PARD3: variants seen among roughly 807,000 people sequenced by gnomAD.
PARD3 encodes partitioning defective 3 homolog.
PARD3 carries 75 observed loss-of-function variants against 155.4 expected under a neutral mutation model. The observed-to-expected ratio is 0.48, with a 90% CI of 0.40 to 0.58. The LOEUF (loss-of-function observed/expected upper bound fraction) is 0.58. PARD3 is among the 20% of genes least tolerant of loss of function. The probability of loss-of-function intolerance (pLI) is 0.00; values close to 1 mark genes in which losing one functional copy is unlikely to be tolerated. For synonymous variants in PARD3, 576 were observed against 610.5 expected (o/e 0.94, Z 0.83); for missense variants, 1,642 against 1,721.7 (o/e 0.95, Z 0.82).
intron 2 of PARD3, among the ~76,000 whole-genome samples, chr10:34,634,097 T>C (rs544391773): frequency 1.3e-5 from 2 of 152,196 alleles, no homozygotes; most frequent in South Asian, 2.1e-4. Flanking sequence ...TAGATGACAC[T>C]AGAAGATGAA....
chr10:34,689,296 C>A (rs577446236), intron 2 of PARD3, among the ~76,000 whole-genome samples: 1 of 152,190 alleles, frequency 6.6e-6, no homozygotes, highest in East Asian at 1.9e-4. Flanking sequence ...CTGCATCACA[C>A]GATCCCTCAG....
intron 22 of PARD3, among the ~76,000 whole-genome samples, chr10:34,143,175 C>T (rs1029563981): frequency 1.1e-3 from 166 of 152,204 alleles, no homozygotes; most frequent in Non-Finnish European, 2.1e-4. Flanking sequence ...TACAAATTAG[C>T]TGGGTGTGGT....
intron 19 of PARD3, among the ~76,000 whole-genome samples, chr10:34,328,482 A>G (rs1416845020): frequency 6.6e-6 from 1 of 152,162 alleles, no homozygotes; most frequent in Non-Finnish European, 1.5e-5. Flanking sequence ...TAAATACTCA[A>G]AAACACCCTT....
chr10:34,379,583 T>C (rs1249054044), intron 9 of PARD3, among the ~76,000 whole-genome samples: 5 of 152,136 alleles, frequency 3.3e-5, no homozygotes. Flanking sequence ...TTTTGAACTA[T>C]GAATGCTGAC....
At chr10:34,149,057 T>C (rs1948657916) in intron 22 of PARD3, among the ~76,000 whole-genome samples, 1 of 152,142 alleles carries the variant, frequency 6.6e-6, no homozygotes. Context: ...AATAAGTATC[T>C]TGATATCAGG....
intron 3 of PARD3, among the ~76,000 whole-genome samples, chr10:34,509,381 T>A (rs1428726211): frequency 6.6e-6 from 1 of 152,134 alleles, no homozygotes; most frequent in Non-Finnish European, 1.5e-5. Flanking sequence ...TTTCTTCCCA[T>A]CCAATTCTCC....
intron 19 of PARD3, among the ~76,000 whole-genome samples, chr10:34,322,593 T>C (rs529983826): frequency 2.4e-4 from 37 of 152,326 alleles, no homozygotes; most frequent in Non-Finnish European, 4.4e-4. Flanking sequence ...TTACTAGATT[T>C]AAATAATTTG....
intron 22 of PARD3, among the ~76,000 whole-genome samples, chr10:34,194,127 C>A (rs1053137561): frequency 3.9e-5 from 6 of 152,216 alleles, no homozygotes; most frequent in Non-Finnish European, 8.8e-5. Context: ...TCTCCCTCTA[C>A]ATATTGAGAG....
chr10:34,493,500 G>A (rs560568780), intron 3 of PARD3, among the ~76,000 whole-genome samples: 8 of 152,224 alleles, frequency 5.3e-5, no homozygotes, highest in South Asian at 2.1e-4. Flanking sequence ...GGGAGGCCAC[G>A]GCAGGCGGAT....
chr10:34,305,048 T>C (rs983686413), intron 20 of PARD3, among the ~76,000 whole-genome samples: 1 of 152,242 alleles, frequency 6.6e-6, no homozygotes, highest in African/African-American at 2.4e-5. Context: ...AAAGTATCTG[T>C]TCAGTTCATT....
intron 2 of PARD3, among the ~76,000 whole-genome samples, chr10:34,620,647 A>C (rs1243582750): frequency 6.6e-6 from 1 of 152,260 alleles, no homozygotes; most frequent in Non-Finnish European, 1.5e-5. Context: ...ACAAAGCATC[A>C]GCTTAAACCT....
chr10:34,563,491 C>G (rs2384228), intron 2 of PARD3, among the ~76,000 whole-genome samples: 1 of 151,664 alleles, frequency 6.6e-6, no homozygotes, highest in Admixed American at 6.6e-5. Flanking sequence ...CTCAGCCTCC[C>G]AAGTAGCTGT....
chr10:34,211,147 C>G (rs1951728224), intron 22 of PARD3, among the ~76,000 whole-genome samples: 1 of 152,222 alleles, frequency 6.6e-6, no homozygotes, highest in African/African-American at 2.4e-5. Context: ...AACATTCGCT[C>G]TCTTCCCTGG....
At chr10:34,679,306 C>G (rs1356756079) in intron 2 of PARD3, among the ~76,000 whole-genome samples, 5 of 152,124 alleles carry the variant, frequency 3.3e-5, no homozygotes, top group Non-Finnish European at 7.3e-5. Context: ...TAAAACTGCA[C>G]CAGTCAAACA....
intron 22 of PARD3, among the ~76,000 whole-genome samples, chr10:34,198,453 GGTGTGTGTGTGT>G (rs59976562): frequency 3.4e-5 from 5 of 146,924 alleles, no homozygotes; most frequent in African/African-American, 1.0e-4. Flanking sequence ...ATCACTAATT[GGTGTGTGTGTGT>G]GTGTGTGTGT....
intron 1 of PARD3, among the ~76,000 whole-genome samples, chr10:34,789,915 T>C (rs1333586941): frequency 6.6e-6 from 1 of 152,188 alleles, no homozygotes; most frequent in Non-Finnish European, 1.5e-5. Flanking sequence ...AGCTTAACAT[T>C]TTTCAAGAAA....
chr10:34,789,230 C>T (rs569861886), intron 1 of PARD3, among the ~76,000 whole-genome samples: 1 of 152,178 alleles, frequency 6.6e-6, no homozygotes, highest in East Asian at 1.9e-4. Flanking sequence ...AGGCCGAGGC[C>T]GCAGTGAGCC....
chr10:34,408,216 CA>C lies in PARD3; in HGVS notation c.715-6300del, dbSNP rs150007962. ...CTTTGATTTTTGTGTTTAGAAAGCA[CA>C]AAAAAAAAATGAAAATTCTCATGGT... On this transcript the variant is annotated intron_variant, in intron 5 of 24. Transcript: ENST00000374788. 3.1e-3 allele frequency among the ~76,000 whole-genome samples: 422 copies of C among 137,826 alleles called. 5 individuals are homozygous for C. The highest frequency in any genetic ancestry group is 0.022 in the Admixed American group (302 of 13,860). 90.4% of individuals were successfully genotyped at this position (137,826 alleles called of 152,430 possible).
At chr10:34,718,358 G>A (rs185694428) in intron 1 of PARD3, among the ~76,000 whole-genome samples, 1 of 151,906 alleles carries the variant, frequency 6.6e-6, no homozygotes, top group African/African-American at 2.4e-5. Context: ...AAGGTGAGGA[G>A]GTCAAAACAT....
Sources: gnomAD v4.1 joint callset for allele counts (sites outside exome capture counted in the v4.1 genomes callset) on GRCh38, gnomAD v4.1.1 for gene constraint, MANE v1.5 for transcripts, NCBI Gene and HGNC (gene_info 2026-07-23, HGNC 2026-07-21) for gene names.